The following TMEM132C variants were observed in gnomAD, a reference collection of about 807,000 sequenced individuals.
TMEM132C encodes the protein transmembrane protein 132C, also known as protein phosphatase 1, regulatory subunit 152.
In TMEM132C, 29 loss-of-function variants were observed where a neutral mutation model predicts 61.4. The observed-to-expected ratio is 0.47, with a 90% CI of 0.35 to 0.64. TMEM132C has a LOEUF of 0.64. TMEM132C is among the 30% of genes least tolerant of loss of function. The probability of loss-of-function intolerance (pLI) is 0.00; values close to 1 mark genes in which losing one functional copy is unlikely to be tolerated. For synonymous variants in TMEM132C, 656 were observed against 633.1 expected (o/e 1.04, Z -0.54); for missense variants, 1,408 against 1,476.9 (o/e 0.95, Z 0.76).
At chr12:128,341,376 T>C (rs1436837974) in intron 1 of TMEM132C, among the ~76,000 whole-genome samples, 1 of 152,210 alleles carries the variant, frequency 6.6e-6, no homozygotes, top group Non-Finnish European at 1.5e-5. Flanking sequence ...TAAAGGAAGA[T>C]AAAAGTAGTC....
At chr12:128,629,252 C>T (rs1006575211) in intron 4 of TMEM132C, among the ~76,000 whole-genome samples, 48 of 152,292 alleles carry the variant, frequency 3.2e-4, no homozygotes, top group African/African-American at 1.1e-3. Flanking sequence ...CAGTGGCTCA[C>T]GCCTATAATT....
intron 2 of TMEM132C, among the ~76,000 whole-genome samples, chr12:128,448,807 T>C (rs2136055260): frequency 6.6e-6 from 1 of 152,300 alleles, no homozygotes; most frequent in South Asian, 2.1e-4. Flanking sequence ...CCAATTCGTA[T>C]TAACTTTGCT....
At chr12:128,507,892 G>C (rs1403747417) in intron 2 of TMEM132C, among the ~76,000 whole-genome samples, 1 of 152,176 alleles carries the variant, frequency 6.6e-6, no homozygotes, top group East Asian at 1.9e-4. Context: ...TTAAGATGCT[G>C]TGTGAGGAGA....
chr12:128,500,320 G>A (rs188381236), intron 2 of TMEM132C, among the ~76,000 whole-genome samples: 25 of 152,162 alleles, frequency 1.6e-4, no homozygotes, highest in Non-Finnish European at 2.9e-4. Context: ...AAAAGCCCAA[G>A]CAACAAAAGA....
intron 2 of TMEM132C, among the ~76,000 whole-genome samples, chr12:128,433,949 G>A (rs1039972128): frequency 2.0e-5 from 3 of 152,216 alleles, no homozygotes; most frequent in South Asian, 2.1e-4. Flanking sequence ...AAAAGAAGGC[G>A]TCAGTGGGCT....
At chr12:128,505,817 C>T (rs182636827) in intron 2 of TMEM132C, among the ~76,000 whole-genome samples, 1 of 152,282 alleles carries the variant, frequency 6.6e-6, no homozygotes, top group East Asian at 1.9e-4. Context: ...AGACTCATCT[C>T]AGGGCTTGGC....
chr12:128,478,041 T>A (rs1871207068), intron 2 of TMEM132C, among the ~76,000 whole-genome samples: 1 of 152,222 alleles, frequency 6.6e-6, no homozygotes, highest in South Asian at 2.1e-4. Flanking sequence ...CATTCCATAG[T>A]CCTACAAGCT....
intron 3 of TMEM132C, among the ~76,000 whole-genome samples, chr12:128,558,175 A>AT (rs1487879884): frequency 1.3e-5 from 2 of 152,138 alleles, no homozygotes; most frequent in Admixed American, 1.3e-4. Flanking sequence ...TCTTCCTGAC[A>AT]TTTTTTACAC....
At chr12:128,497,595 C>T (rs764825523) in intron 2 of TMEM132C, among the ~76,000 whole-genome samples, 8 of 152,298 alleles carry the variant, frequency 5.3e-5, no homozygotes, top group African/African-American at 9.6e-5. Context: ...GTGCTAGCAA[C>T]GAGCGAGGCT....
chr12:128,357,739 A>T (rs1344510409), intron 1 of TMEM132C, among the ~76,000 whole-genome samples: 1 of 151,456 alleles, frequency 6.6e-6, no homozygotes, highest in African/African-American at 2.4e-5. Context: ...AGAAGCAAAT[A>T]TTCCCCCTTC....
intron 2 of TMEM132C, among the ~76,000 whole-genome samples, chr12:128,446,414 G>A (rs1345867296): frequency 6.6e-6 from 1 of 152,236 alleles, no homozygotes; most frequent in African/African-American, 2.4e-5. Context: ...CAAATGCCAA[G>A]CGTCTTCCGT....
intron 1 of TMEM132C, among the ~76,000 whole-genome samples, chr12:128,294,462 T>C (rs1325235315): frequency 6.6e-6 from 1 of 152,166 alleles, no homozygotes; most frequent in East Asian, 1.9e-4. Context: ...ATGCAAGCCA[T>C]TGGAGAAATG....
At chr12:128,693,141 T>G (rs527292483) in intron 5 of TMEM132C, among the ~76,000 whole-genome samples, 11 of 152,294 alleles carry the variant, frequency 7.2e-5, no homozygotes, top group African/African-American at 1.9e-4. Flanking sequence ...TGCCAAAGCC[T>G]GGGGACCGTG....
intron 2 of TMEM132C, among the ~76,000 whole-genome samples, chr12:128,543,388 A>T (rs1873828708): frequency 6.6e-6 from 1 of 152,124 alleles, no homozygotes; most frequent in African/African-American, 2.4e-5. Context: ...CCTTGTCCAA[A>T]TTTGCACCGC....
At position 128,305,160 on chromosome 12, in the gene TMEM132C, C is replaced by G. The variant is rs1399674379; in HGVS notation, c.85+37673C>G. Among the ~76,000 whole-genome samples, 3 of 152,170 alleles carry G rather than the reference C, an allele frequency of 2.0e-5. No individual in the cohort carries two copies. In the South Asian group the frequency reaches 6.2e-4, roughly 32 times the overall value. On this transcript the variant is annotated intron_variant, in intron 1 of 8. Transcript: ENST00000435159. ...TTGGGAGGCAGAAGTGGGAGGATCA[C>G]TTGAGGCCAGGAGTTCGGCCTCGGC...
At chr12:128,673,450 T>C (rs760343468) in intron 5 of TMEM132C, among the ~76,000 whole-genome samples, 2 of 152,216 alleles carry the variant, frequency 1.3e-5, no homozygotes, top group Non-Finnish European at 2.9e-5. Flanking sequence ...ACTTACGGTA[T>C]TCTGTTAAAG....
chr12:128,466,600 C>A (rs573986958), intron 2 of TMEM132C, among the ~76,000 whole-genome samples: 1 of 152,288 alleles, frequency 6.6e-6, no homozygotes, highest in South Asian at 2.1e-4. Context: ...GGTGCAATCC[C>A]AGCTCACTGC....
At chr12:128,449,001 G>A (rs941878333) in intron 2 of TMEM132C, among the ~76,000 whole-genome samples, 76 of 151,908 alleles carry the variant, frequency 5.0e-4, no homozygotes, top group African/African-American at 1.5e-3. Flanking sequence ...GCCAGGCGCG[G>A]TGGCGGGCAC....
intron 3 of TMEM132C, among the ~76,000 whole-genome samples, chr12:128,605,375 G>A (rs1340922462): frequency 6.6e-6 from 1 of 152,160 alleles, no homozygotes; most frequent in Non-Finnish European, 1.5e-5. Flanking sequence ...GGGAGAGTCA[G>A]CCCTTTTGTT....
Sources: gnomAD v4.1 joint callset for allele counts (sites outside exome capture counted in the v4.1 genomes callset) on GRCh38, gnomAD v4.1.1 for gene constraint, MANE v1.5 for transcripts, NCBI Gene and HGNC (gene_info 2026-07-23, HGNC 2026-07-21) for gene names.